OR4K17: variants seen among roughly 807,000 people sequenced by gnomAD.
OR4K17 encodes the protein olfactory receptor family 4 subfamily K member 17.
For synonymous variants in OR4K17, 157 were observed against 132.8 expected (o/e 1.18, Z -1.25); for missense variants, 480 against 366.3 (o/e 1.31, Z -2.53).
intron 1 of OR4K17, among the ~76,000 whole-genome samples, chr14:20,115,119 C>T (rs1430108043): frequency 1.3e-5 from 2 of 151,984 alleles, no homozygotes; most frequent in African/African-American, 2.4e-5. Flanking sequence ...TGGAAATAAA[C>T]TAGATTAAAT....
rs1348718453 is a variant in OR4K17, at chr14:20,121,376, AT to A, written c.*2939del. 2 of 152,206 alleles carry A rather than the reference AT, an allele frequency of 1.3e-5. No individual in the cohort carries two copies. Among genetic ancestry groups the A allele is most frequent in the African/African-American group, 4.8e-5 (2 of 41,456 alleles). 9.4% of individuals were successfully genotyped at this position (152,206 alleles called of 1,614,324 possible). On this transcript the variant is annotated 3_prime_UTR_variant, in exon 2 of 2. Transcript: ENST00000641386. Reference sequence around the variant, plus strand: ...AATCAAGCAAACAACAAACAAAAAAATGGGGAAATTTGATGAAGAGATTGAA... The same window carrying A: ...AATCAAGCAAACAACAAACAAAAAAAGGGGAAATTTGATGAAGAGATTGAA...
At chr14:20,113,494 G>T (rs934181974) in intron 1 of OR4K17, among the ~76,000 whole-genome samples, 1 of 151,932 alleles carries the variant, frequency 6.6e-6, no homozygotes, top group African/African-American at 2.4e-5. Context: ...CACATTTATT[G>T]TGTGCCAACT....
In OR4K17 at chr14:20,118,587, G is replaced by A. The variant is rs906794890; in HGVS notation, c.*149G>A. On this transcript the variant is annotated 3_prime_UTR_variant, in exon 2 of 2. Coordinates refer to ENST00000641386, the MANE Select transcript of OR4K17 (RefSeq NM_001004715.5). ...AGTGTTGACTGGTCTGAGAAATAAA[G>A]GGAAAGAATACAAAAGAGAGAAATT... The A allele has an allele frequency of 5.4e-6, 3 of 557,468 alleles. No individual in the cohort carries two copies. Among genetic ancestry groups the A allele is most frequent in the Non-Finnish European group, 6.2e-6 (2 of 321,254 alleles). The allele number at this position is 557,468 out of a possible 1,614,324, so 34.5% of individuals were successfully genotyped here.
chr14:20,118,181 C>A lies in OR4K17; in HGVS notation c.682C>A (p.His228Asn), dbSNP rs555456092. Residue 228 changes from histidine to asparagine, a missense_variant, in exon 2 of 2, where the codon CAC becomes AAC. Transcript: ENST00000641386. ...YSLILITIKN[H>N]SPTGQSKARS... ...TCTGATCCTCATAACCATTAAGAAC[C>A]ACTCTCCTACTGGGCAATCTAAAGC... 1.6e-5 allele frequency: 26 copies of A among 1,614,084 alleles called. No individual in the cohort carries two copies. The Admixed American group carries it at 2.3e-4, about 14-fold the overall frequency.
chr14:20,113,642 C>T (rs1279286958), intron 1 of OR4K17, among the ~76,000 whole-genome samples: 2 of 151,878 alleles, frequency 1.3e-5, no homozygotes, highest in Non-Finnish European at 2.9e-5. Context: ...AAAGTAATGA[C>T]CAGTGGACTA....
intron 1 of OR4K17, among the ~76,000 whole-genome samples, chr14:20,114,019 G>C (rs1315481676): frequency 6.6e-6 from 1 of 151,976 alleles, no homozygotes; most frequent in Non-Finnish European, 1.5e-5. Flanking sequence ...AATGTGCAGA[G>C]TTGATGCAGC....
At chr14:20,113,614 T>A (rs994505951) in intron 1 of OR4K17, among the ~76,000 whole-genome samples, 1 of 152,060 alleles carries the variant, frequency 6.6e-6, no homozygotes, top group Admixed American at 6.6e-5. Flanking sequence ...TACATACTTA[T>A]AAGAGTTTCT....
At position 20,121,798 on chromosome 14, in the gene OR4K17, G is replaced by T. The variant is rs1878177153; in HGVS notation, c.*3360G>T. On this transcript the variant is annotated 3_prime_UTR_variant, in exon 2 of 2. Transcript: ENST00000641386. Reference sequence around the variant, plus strand: ...GGTACTAAGCACAGTCAGTTTTCTGGCATATCCATAGGTTTTACATTCACA... The same window carrying T: ...GGTACTAAGCACAGTCAGTTTTCTGTCATATCCATAGGTTTTACATTCACA... 1 of 151,938 alleles carries T rather than the reference G, an allele frequency of 6.6e-6. No individual in the cohort carries two copies. Among genetic ancestry groups the T allele is most frequent in the African/African-American group, 2.4e-5 (1 of 41,396 alleles). The allele number at this position is 151,938 out of a possible 1,614,324, so 9.4% of individuals were successfully genotyped here. A position where few individuals can be genotyped will look rare whatever the true frequency, so the allele number is the denominator to read the frequency against.
chr14:20,116,127 A>C (rs1400910424), intron 1 of OR4K17, among the ~76,000 whole-genome samples: 2 of 152,196 alleles, frequency 1.3e-5, no homozygotes, highest in Admixed American at 6.5e-5. Flanking sequence ...CCAGAGGGAA[A>C]GATAAGGCAG....
In OR4K17 at chr14:20,112,792, C is replaced by T. The variant is rs377137581; in HGVS notation, c.-33+1900C>T. On this transcript the variant is annotated intron_variant, in intron 1 of 1. Transcript: ENST00000641386. ...TGAGAATTATATAAAAATCGAGAGG[C>T]AAAATCATGTTAGATTTTTCCCTGA... is the stretch of plus-strand genomic sequence containing the variant. 5.9e-5 allele frequency among the ~76,000 whole-genome samples: 9 copies of T among 152,072 alleles called. No individual in the cohort carries two copies. In the South Asian group the frequency reaches 1.9e-3, roughly 32 times the overall value.
rs1230335705 is a variant in OR4K17 at position 20,118,712 on chromosome 14, G to A, written c.*274G>A. On this transcript the variant is annotated 3_prime_UTR_variant, in exon 2 of 2. Coordinates refer to ENST00000641386, the MANE Select transcript of OR4K17 (RefSeq NM_001004715.5). The stretch of plus-strand genomic sequence containing the variant: ...AGTTTTTATTATGGATTTCAAAAGG[G>A]AGGCAGTGTACGAATAGGGTGTGGG... 1 of 278,114 alleles carries A rather than the reference G, an allele frequency of 3.6e-6. No individual in the cohort carries two copies. The highest frequency in any genetic ancestry group is 4.7e-5 in the South Asian group (1 of 21,424). The allele number at this position is 278,114 out of a possible 1,614,324, so 17.2% of individuals were successfully genotyped here.
rs1219996681 is a variant in OR4K17, at chr14:20,119,597, C to T, written c.*1159C>T. 1 of 152,442 alleles carries T rather than the reference C, an allele frequency of 6.6e-6. No individual in the cohort carries two copies. Among genetic ancestry groups the T allele is most frequent in the African/African-American group, 2.4e-5 (1 of 41,432 alleles). 9.4% of individuals were successfully genotyped at this position (152,442 alleles called of 1,614,324 possible). A position where few individuals can be genotyped will look rare whatever the true frequency, so the allele number is the denominator to read the frequency against. On this transcript the variant is annotated 3_prime_UTR_variant, in exon 2 of 2. Coordinates refer to ENST00000641386, the MANE Select transcript of OR4K17 (RefSeq NM_001004715.5). The stretch of plus-strand genomic sequence containing the variant: ...GGTCCCTGACTTCCCGCAACAGAGC[C>T]AAGGCAGGTTGCCTTGGCTGACTTG...
intron 1 of OR4K17, among the ~76,000 whole-genome samples, chr14:20,113,009 G>A (rs1877913861): frequency 6.6e-6 from 1 of 151,976 alleles, no homozygotes; most frequent in Non-Finnish European, 1.5e-5. Flanking sequence ...CACTATTAAA[G>A]TCTATTTTTG....
rs780993428 is a variant in OR4K17, at chr14:20,117,962, C to T, written c.463C>T (p.His155Tyr). 1.6e-5 allele frequency: 26 copies of T among 1,613,984 alleles called. No individual in the cohort carries two copies. Among genetic ancestry groups the T allele is most frequent in the Non-Finnish European group, 2.1e-5 (25 of 1,180,018 alleles). ...VVTSWLLGLL[H>Y]SGFQIPFAVN... ...GACCTCATGGCTCTTGGGTCTCCTT[C>T]ACTCAGGGTTTCAGATACCATTTGC... Residue 155 changes from histidine (H) to tyrosine (Y), a missense_variant, in exon 2 of 2, where the codon CAC becomes TAC. Physicochemically the swap from His to Tyr is moderately conservative, Grantham distance 83. Transcript: ENST00000641386.
At chr14:20,114,506 TC>T (rs1361693164) in intron 1 of OR4K17, among the ~76,000 whole-genome samples, 1 of 152,094 alleles carries the variant, frequency 6.6e-6, no homozygotes, top group African/African-American at 2.4e-5. Flanking sequence ...ATTTTTAAGA[TC>T]TTTTGACTAT....
intron 1 of OR4K17, among the ~76,000 whole-genome samples, chr14:20,114,752 C>T (rs1877951262): frequency 6.6e-6 from 1 of 152,000 alleles, no homozygotes; most frequent in Admixed American, 6.6e-5. Context: ...GGTTCAGTTC[C>T]AGGGATCACT....
At position 20,121,213 on chromosome 14, in the gene OR4K17, A is replaced by G. The variant is rs1878159774; in HGVS notation, c.*2775A>G. 1 of 152,232 alleles carries G rather than the reference A, an allele frequency of 6.6e-6. No homozygotes were observed. The highest frequency in any genetic ancestry group is 6.5e-5 in the Admixed American group (1 of 15,270). 9.4% of individuals were successfully genotyped at this position (152,232 alleles called of 1,614,324 possible). ...CCAAAAACCAAAAGGGAGTATCACCATGAAAGGAACACAATAATTTTCCAG... is the reference window on the plus strand; with the variant it reads ...CCAAAAACCAAAAGGGAGTATCACCGTGAAAGGAACACAATAATTTTCCAG... On this transcript the variant is annotated 3_prime_UTR_variant, in exon 2 of 2. Coordinates refer to ENST00000641386, the MANE Select transcript of OR4K17 (RefSeq NM_001004715.5).
At chr14:20,111,320 G>A (rs1877879075) in intron 1 of OR4K17, among the ~76,000 whole-genome samples, 1 of 152,056 alleles carries the variant, frequency 6.6e-6, no homozygotes, top group Non-Finnish European at 1.5e-5. Flanking sequence ...GTACAGAGGA[G>A]AGAATCATCG....
chr14:20,118,035 G>T lies in OR4K17; in HGVS notation c.536G>T (p.Cys179Phe), dbSNP rs750020371. 2 of 1,614,110 alleles carry T rather than the reference G, an allele frequency of 1.2e-6. No homozygotes were observed. Among genetic ancestry groups the T allele is most frequent in the South Asian group, 2.2e-5 (2 of 91,080 alleles). The change falls in exon 2 of 2, where the codon TGT (cysteine) becomes TTT (phenylalanine). Residue 179 changes from cysteine to phenylalanine, a missense_variant. By Grantham distance (205) the Cys-to-Phe change is radical. Transcript: ENST00000641386. ...CGPNVVDSIF[C>F]DLPLVTKLAC... ...CCCAATGTGGTAGACAGCATTTTTT[G>T]TGACCTCCCTTTGGTTACTAAGCTT...
Sources: allele counts gnomAD v4.1 joint callset (sites outside exome capture counted in the v4.1 genomes callset), GRCh38; gene constraint gnomAD v4.1.1; transcripts MANE v1.5; gene names NCBI Gene and HGNC (gene_info 2026-07-23, HGNC 2026-07-21).